The following ARL17A variants were observed in gnomAD, a reference collection of about 807,000 sequenced individuals.
ARL17A encodes ADP-ribosylation factor-like 17-like.
chr17:46,526,747 C>T (rs1308395045), downstream of ARL17A, among the ~76,000 whole-genome samples: 2 of 103,890 alleles, frequency 1.9e-5, no homozygotes, highest in African/African-American at 3.7e-5. Context: ...CTGGCCCAAG[C>T]GCAGTAAAGT....
chr17:46,530,075 A>G (rs2053440474), intron 4 of ARL17A, among the ~76,000 whole-genome samples: 1 of 148,282 alleles, frequency 6.7e-6, no homozygotes, highest in Admixed American at 6.8e-5. Context: ...AGAAAAAAAT[A>G]GAAACAGGGT....
At chr17:46,503,258 T>C in the ARL17A span, among the ~76,000 whole-genome samples, 1 of 146,790 alleles carries the variant, frequency 6.8e-6, no homozygotes, top group South Asian at 2.1e-4. Context: ...AACAAGCGTT[T>C]CTCTTTCTCT....
chr17:46,534,678 G>GTCATCA (rs1198480113), intron 4 of ARL17A, among the ~76,000 whole-genome samples: 1 of 149,688 alleles, frequency 6.7e-6, no homozygotes, highest in Non-Finnish European at 1.5e-5. Flanking sequence ...AACCACCATC[G>GTCATCA]TCATCATGGC....
At chr17:46,542,757 A>G (rs1464071633) in intron 3 of ARL17A, among the ~76,000 whole-genome samples, 4 of 150,340 alleles carry the variant, frequency 2.7e-5, no homozygotes, top group Admixed American at 1.3e-4. Flanking sequence ...GCGGGGCCCT[A>G]TTGTGAGTTT....
downstream of ARL17A, chr17:46,549,349 G>A: frequency 6.3e-7 from 1 of 1,595,080 alleles, no homozygotes; most frequent in Non-Finnish European, 8.5e-7. Context: ...TGATTTTATG[G>A]AAAACACTAA....
chr17:46,562,251 A>AG (rs1555661780), intron 3 of ARL17A, among the ~76,000 whole-genome samples: 3 of 32,252 alleles, frequency 9.3e-5, no homozygotes, highest in Non-Finnish European at 5.4e-4. Flanking sequence ...AAAAAAAAAA[A>AG]TTTTAAAGTC....
chr17:46,549,254 T>C, downstream of ARL17A: 1 of 1,611,302 alleles, frequency 6.2e-7, no homozygotes, highest in South Asian at 1.1e-5. Context: ...GAAAACCCTT[T>C]TCTGGAAGTA....
chr17:46,558,271 G>T (rs2057392253), intron 3 of ARL17A, among the ~76,000 whole-genome samples: 1 of 108,082 alleles, frequency 9.3e-6, no homozygotes, highest in African/African-American at 4.1e-5. Context: ...TGTTGGTCAG[G>T]CTGGTCTCGA....
At chr17:46,503,693 AGTT>A in the ARL17A span, among the ~76,000 whole-genome samples, 2 of 107,442 alleles carry the variant, frequency 1.9e-5, no homozygotes, top group African/African-American at 3.4e-5. Context: ...ATGAACCTCT[AGTT>A]GTTTTAGTTG....
Position 46,553,470 on chromosome 17 carries a change from T to A in ARL17A, c.*3886A>T, listed in dbSNP as rs764089726. Reference sequence around the variant, plus strand: ...TCAAGGTAAATATTAGTCTGGTGATTTTTTTTTTCTTCTCTTTTGAGACGG... The same window carrying A: ...TCAAGGTAAATATTAGTCTGGTGATATTTTTTTTCTTCTCTTTTGAGACGG... On this transcript the variant is annotated 3_prime_UTR_variant, in exon 4 of 4. Transcript: ENST00000336125. The A allele has an allele frequency of 6.2e-7, 1 of 1,607,452 alleles. No individual in the cohort carries two copies. The highest frequency in any genetic ancestry group is 8.5e-7 in the Non-Finnish European group (1 of 1,179,678).
intron 3 of ARL17A, among the ~76,000 whole-genome samples, chr17:46,542,774 C>G (rs1402340704): frequency 4.7e-5 from 7 of 150,434 alleles, no homozygotes; most frequent in Non-Finnish European, 8.8e-5. Flanking sequence ...GTTTGTTACA[C>G]AATTTACTGC....
downstream of ARL17A, chr17:46,548,779 G>T: frequency 6.2e-7 from 1 of 1,611,578 alleles, no homozygotes; most frequent in Non-Finnish European, 8.5e-7. Context: ...CCCAAGGGAG[G>T]TGGAACAGCC....
At chr17:46,575,448 C>T (rs1261711616) in intron 2 of ARL17A, among the ~76,000 whole-genome samples, 1 of 150,774 alleles carries the variant, frequency 6.6e-6, no homozygotes, top group East Asian at 1.9e-4. Flanking sequence ...TGAGATGCTG[C>T]CACTAAGGAA....
At chr17:46,516,728 TTTG>T (rs1214837422) in exon 5 of ARL17A, 1 of 163,374 alleles carries the variant, frequency 6.1e-6, no homozygotes, top group Non-Finnish European at 1.3e-5. Context: ...ATTATTTTAT[TTTG>T]TTTTTTGCAT....
At chr17:46,551,188 C>G (rs1221772337), downstream of ARL17A, among the ~76,000 whole-genome samples, 6 of 149,158 alleles carry the variant, frequency 4.0e-5, no homozygotes, top group African/African-American at 1.6e-4. Context: ...TAGAGATGCT[C>G]AGCTTGCATC....
chr17:46,545,814 G>A (rs1259011304), intron 3 of ARL17A, among the ~76,000 whole-genome samples: 7 of 149,382 alleles, frequency 4.7e-5, no homozygotes, highest in East Asian at 2.0e-4. Flanking sequence ...TTTTAACTCC[G>A]CAATCCAGGT....
chr17:46,558,388 TTTTG>T lies in ARL17A; in HGVS notation c.260-762_260-759del, dbSNP rs536886712. ...TTTGGGTTTTGGGGTTTTTTTTGTGTTTTGTTTGTTTGTTTGTTTTTGGAGACAG... is the reference window on the plus strand; with the variant it reads ...TTTGGGTTTTGGGGTTTTTTTTGTGTTTTGTTTGTTTGTTTTTGGAGACAG... On this transcript the variant is annotated intron_variant, in intron 3 of 3. Transcript: ENST00000336125. Among the ~76,000 whole-genome samples the T allele has an allele frequency of 1.4e-3, 152 of 105,460 alleles. 4 individuals carry two copies. Among genetic ancestry groups the T allele is most frequent in the East Asian group, 2.8e-3 (8 of 2,820 alleles). 69.2% of individuals were successfully genotyped at this position (105,460 alleles called of 152,430 possible).
Position 46,521,106 on chromosome 17 carries a change from A to G in ARL17A, c.260-3873T>C, listed in dbSNP as rs532977697. 2.6e-3 allele frequency among the ~76,000 whole-genome samples: 196 copies of G among 76,546 alleles called. 48 individuals are homozygous for G. Among genetic ancestry groups the G allele is most frequent in the African/African-American group, 7.4e-3 (188 of 25,514 alleles). The allele number at this position is 76,546 out of a possible 152,430, so 50.2% of individuals were successfully genotyped here. ...ACATCAGAAATGCCCCTAACTCTTC[A>G]CTAATTACAAAATAACGATCGCCCC... On this transcript the variant is annotated intron_variant, in intron 3 of 4. Transcript: ENST00000445552.
At chr17:46,537,098 T>A (rs1461708745) in intron 4 of ARL17A, among the ~76,000 whole-genome samples, 3 of 68,394 alleles carry the variant, frequency 4.4e-5, no homozygotes, top group African/African-American at 2.2e-4. Context: ...TTTTTTTTTT[T>A]TTTTTTTTGC....
Sources: allele counts gnomAD v4.1 joint callset (sites outside exome capture counted in the v4.1 genomes callset), GRCh38; gene constraint gnomAD v4.1.1; transcripts MANE v1.5; gene names NCBI Gene and HGNC (gene_info 2026-07-23, HGNC 2026-07-21).